Variants in ZSWIM7 observed in about 807,000 individuals in gnomAD.
ZSWIM7 encodes zinc finger SWIM-type containing 7.
Under a neutral mutation model 21.1 loss-of-function variants are expected in ZSWIM7, and 22 were observed. That is an observed-to-expected ratio of 1.04 (90% CI 0.74 to 1.49). The LOEUF is 1.49. Among genes scored for constraint, ZSWIM7 ranks in the 40% most tolerant of loss-of-function variants. ZSWIM7 has a pLI of 0.00. For synonymous variants in ZSWIM7, 67 were observed against 66.5 expected (o/e 1.01, Z -0.04); for missense variants, 193 against 168.0 (o/e 1.15, Z -0.82).
rs950034658 is a variant in ZSWIM7 at position 15,977,679 on chromosome 17, G to C, written c.*368C>G. On this transcript the variant is annotated 3_prime_UTR_variant, in exon 5 of 5. Coordinates refer to ENST00000399277, the MANE Select transcript of ZSWIM7 (RefSeq NM_001042697.2). ...AGATCACGCCACTGCACCCCAGCCT[G>C]GGCGACAAAGTGAGACTCCATCTCA... The C allele has an allele frequency of 6.3e-6, 1 of 157,836 alleles. No homozygotes were observed. The highest frequency in any genetic ancestry group is 2.4e-5 in the African/African-American group (1 of 40,864). The allele number at this position is 157,836 out of a possible 1,614,324, so 9.8% of individuals were successfully genotyped here. A position where few individuals can be genotyped will look rare whatever the true frequency, so the allele number is the denominator to read the frequency against.
chr17:15,988,836 T>C (rs1293603884), intron 2 of ZSWIM7, among the ~76,000 whole-genome samples: 2 of 151,784 alleles, frequency 1.3e-5, no homozygotes, highest in Non-Finnish European at 2.9e-5. Context: ...CTGGCTAACA[T>C]GGTGAAACCC....
At chr17:15,986,976 AAAG>A (rs1263703869) in intron 3 of ZSWIM7, 1 of 190,428 alleles carries the variant, frequency 5.3e-6, no homozygotes, top group East Asian at 1.2e-4. Flanking sequence ...CACCACAAAA[AAAG>A]AAGTATATAA....
chr17:15,988,296 G>C (rs890895629), intron 2 of ZSWIM7, among the ~76,000 whole-genome samples: 3 of 151,874 alleles, frequency 2.0e-5, no homozygotes, highest in African/African-American at 7.3e-5. Context: ...GCATGTTGAC[G>C]GACATTTATT....
In ZSWIM7 at chr17:15,979,720, C is replaced by T. The variant is rs536820013; in HGVS notation, c.306+1320G>A. 4.2e-5 allele frequency among the ~76,000 whole-genome samples: 6 copies of T among 143,266 alleles called. No homozygotes were observed. In the East Asian group the frequency reaches 1.1e-3, roughly 26 times the overall value. The allele number at this position is 143,266 out of a possible 152,430, so 94.0% of individuals were successfully genotyped here. On this transcript the variant is annotated intron_variant, in intron 4 of 4. Coordinates refer to ENST00000399277, the MANE Select transcript of ZSWIM7 (RefSeq NM_001042697.2). Reference sequence around the variant, plus strand: ...GGGCGGCTGGCCGGGCAGAGGGGCTCCTCACTTCCCAGTAGGGGCGGCTGG... The same window carrying T: ...GGGCGGCTGGCCGGGCAGAGGGGCTTCTCACTTCCCAGTAGGGGCGGCTGG...
intron 3 of ZSWIM7, among the ~76,000 whole-genome samples, chr17:15,985,559 G>A (rs1970399593): frequency 6.6e-6 from 1 of 152,060 alleles, no homozygotes; most frequent in African/African-American, 2.4e-5. Context: ...GTTAATTTGA[G>A]GGTGTATAAG....
At position 15,978,161 on chromosome 17, in the gene ZSWIM7, G is replaced by A; in HGVS notation, c.309C>T (p.Cys103=). 2 of 1,612,602 alleles carry A rather than the reference G, an allele frequency of 1.2e-6. No homozygotes were observed. The highest frequency in any genetic ancestry group is 1.7e-6 in the Non-Finnish European group (2 of 1,178,632). Residue 103 remains cysteine (C), a splice_region_variant and synonymous_variant, in exon 5 of 5, where the codon TGC becomes TGT. Coordinates refer to ENST00000399277, the MANE Select transcript of ZSWIM7 (RefSeq NM_001042697.2). ...TCAGGTAAACTGCCAAGAGATGCTT[G>A]CACTGGAATATAAAACACACACACC... ...SVLRKSDSIL[C]KHLLAVYLSQ...
rs745337985 is a variant in ZSWIM7 at position 15,981,055 on chromosome 17, C to A, written c.291G>T (p.Lys97Asn). Residue 97 changes from lysine to asparagine, a missense_variant, in exon 4 of 5, where the codon AAG (lysine) becomes AAT (asparagine). By Grantham distance (94) the Lys-to-Asn change is moderately conservative. Transcript: ENST00000399277. Reference sequence around the variant, plus strand: ...CCATCCTCACCAGGATGCTGTCACTCTTCCGTAGCACTGAGAATGCAAATG... The same window carrying A: ...CCATCCTCACCAGGATGCTGTCACTATTCCGTAGCACTGAGAATGCAAATG... ...CPAFAFSVLRKSDSILCKHLL... is the reference protein window; with the variant it reads ...CPAFAFSVLRNSDSILCKHLL... The A allele has an allele frequency of 6.2e-7, 1 of 1,613,524 alleles. No individual in the cohort carries two copies. The highest frequency in any genetic ancestry group is 8.5e-7 in the Non-Finnish European group (1 of 1,179,566).
At position 15,977,086 on chromosome 17, in the gene ZSWIM7, A is replaced by G. The variant is rs1257179123; in HGVS notation, c.*961T>C. 6.6e-6 allele frequency: 1 copy of G among 151,146 alleles called. No homozygotes were observed. The highest frequency in any genetic ancestry group is 1.5e-5 in the Non-Finnish European group (1 of 67,728). The allele number at this position is 151,146 out of a possible 1,614,324, so 9.4% of individuals were successfully genotyped here. On this transcript the variant is annotated 3_prime_UTR_variant, in exon 5 of 5. Transcript: ENST00000399277. Reference sequence around the variant, plus strand: ...GACACGATTTTTAGTCTGTTCCTTCAATTGCCCTGTTGTAAAGATCAGAAG... The same window carrying G: ...GACACGATTTTTAGTCTGTTCCTTCGATTGCCCTGTTGTAAAGATCAGAAG...
rs1227538493 is a variant in ZSWIM7 at position 15,992,550 on chromosome 17, CT to C, written c.98+1206del. The stretch of plus-strand genomic sequence containing the variant: ...TGCCTCCCAGGTTCAAGCAATTCTC[CT>C]GACTCAGCCTCCCGAATAGCTGGGA... On this transcript the variant is annotated intron_variant, in intron 2 of 4. Transcript: ENST00000399277. Among the ~76,000 whole-genome samples the C allele has an allele frequency of 2.0e-5, 3 of 151,210 alleles. No individual in the cohort carries two copies. The South Asian group carries it at 6.3e-4, about 32-fold the overall frequency.
At chr17:15,985,137 C>G (rs959322755) in intron 3 of ZSWIM7, among the ~76,000 whole-genome samples, 1 of 152,030 alleles carries the variant, frequency 6.6e-6, no homozygotes. Flanking sequence ...AACCCCATCT[C>G]TACTAAAAAT....
intron 2 of ZSWIM7, among the ~76,000 whole-genome samples, chr17:15,991,259 A>G (rs1305680332): frequency 6.6e-6 from 1 of 152,086 alleles, no homozygotes; most frequent in Non-Finnish European, 1.5e-5. Flanking sequence ...CTCAAACTCC[A>G]TGAATTGTTA....
At chr17:15,985,887 AT>A (rs1970403752) in intron 3 of ZSWIM7, among the ~76,000 whole-genome samples, 1 of 152,240 alleles carries the variant, frequency 6.6e-6, no homozygotes, top group Non-Finnish European at 1.5e-5. Context: ...AAAACCAAAA[AT>A]AAAAACACCA....
At chr17:15,994,407 G>A (rs1970523810) in intron 1 of ZSWIM7, among the ~76,000 whole-genome samples, 2 of 152,172 alleles carry the variant, frequency 1.3e-5, no homozygotes. Flanking sequence ...TCAAGCACCA[G>A]CCTGAGTTAC....
Position 15,999,640 on chromosome 17 carries a change from C to T in ZSWIM7, c.-46G>A. On this transcript the variant is annotated 5_prime_UTR_variant, in exon 1 of 5. Coordinates refer to ENST00000399277, the MANE Select transcript of ZSWIM7 (RefSeq NM_001042697.2). ...CCACGACCGGCGGACCGCCGCGACG[C>T]TCCAGCTGACTGCGCCTACCTGTGG... 1.9e-6 allele frequency: 3 copies of T among 1,566,120 alleles called. No homozygotes were observed. The highest frequency in any genetic ancestry group is 2.4e-5 in the East Asian group (1 of 41,862).
At chr17:15,997,877 C>T (rs1053186504) in intron 1 of ZSWIM7, among the ~76,000 whole-genome samples, 3 of 152,156 alleles carry the variant, frequency 2.0e-5, no homozygotes, top group Non-Finnish European at 4.4e-5. Flanking sequence ...CTGAGGTGTC[C>T]GTATCACAAG....
rs376485327 is a variant in ZSWIM7 at position 15,999,677 on chromosome 17, C to T, written c.-83G>A. On this transcript the variant is annotated 5_prime_UTR_variant, in exon 1 of 5. Coordinates refer to ENST00000399277, the MANE Select transcript of ZSWIM7 (RefSeq NM_001042697.2). ...GCGCCTACCTGTGGAGGATCCTGAC[C>T]CCCCGCCGGGGCAGGGCGAGACGGA... The T allele has an allele frequency of 2.6e-6, 4 of 1,559,148 alleles. No homozygotes were observed. Among genetic ancestry groups the T allele is most frequent in the Non-Finnish European group, 2.6e-6 (3 of 1,152,468 alleles).
At chr17:15,988,282 T>A (rs1970440444) in intron 2 of ZSWIM7, among the ~76,000 whole-genome samples, 1 of 152,132 alleles carries the variant, frequency 6.6e-6, no homozygotes. Context: ...TTTTTGAAAA[T>A]GAGGCATGTT....
At chr17:15,999,435 C>A (rs1970635051) in intron 1 of ZSWIM7, 84 bp downstream of exon 1, 8 of 1,533,342 alleles carry the variant, frequency 5.2e-6, no homozygotes, top group South Asian at 1.2e-5. Context: ...GCCCGGACAC[C>A]CCGCCTCCTG....
chr17:15,993,684 C>T, intron 2 of ZSWIM7, 73 bp downstream of exon 2: 5 of 1,195,854 alleles, frequency 4.2e-6, no homozygotes, highest in Middle Eastern at 2.1e-4. Flanking sequence ...TTTTAAAAAT[C>T]AAGAGTTGAT....
Sources: gnomAD v4.1 joint callset for allele counts (sites outside exome capture counted in the v4.1 genomes callset) on GRCh38, gnomAD v4.1.1 for gene constraint, MANE v1.5 for transcripts, NCBI Gene and HGNC (gene_info 2026-07-23, HGNC 2026-07-21) for gene names.